Variants in NEMP2 observed in about 807,000 individuals in gnomAD.
NEMP2 encodes the protein UPF0571 transmembrane protein.
In NEMP2, 53 loss-of-function variants were observed where a neutral mutation model predicts 54.2. That is an observed-to-expected ratio of 0.98 (90% CI 0.78 to 1.23). NEMP2 has a LOEUF of 1.23. Ranked by LOEUF, NEMP2 falls within the 50% of genes most tolerant of loss-of-function variation. The pLI is 0.00. For synonymous variants in NEMP2, 197 were observed against 190.3 expected (o/e 1.04, Z -0.29); for missense variants, 455 against 511.3 (o/e 0.89, Z 1.06).
chr2:190,447,186 A>G, the NEMP2 span, among the ~76,000 whole-genome samples: 3 of 152,236 alleles, frequency 2.0e-5, no homozygotes, highest in Non-Finnish European at 4.4e-5. This position sits in a 1 kb window ranked among gnomAD's most constrained non-coding sequence, Gnocchi z 4.5. Context: ...CACAATGAGT[A>G]TTAGAGAATG....
chr2:190,520,030 T>C lies in NEMP2; in HGVS notation c.214-847A>G, dbSNP rs753903796. 2.0e-5 allele frequency among the ~76,000 whole-genome samples: 3 copies of C among 152,158 alleles called. No individual in the cohort carries two copies. Among genetic ancestry groups the C allele is most frequent in the Non-Finnish European group, 4.4e-5 (3 of 68,028 alleles). ...TTGCACCCTTAATAGACTAACAGTA[T>C]AGTAGAAACATAACTTTTATAGGTA... On this transcript the variant is annotated intron_variant, in intron 2 of 8. Transcript: ENST00000409150. The surrounding 1 kb of genome is among the most constrained non-coding windows in gnomAD (Gnocchi z 5.4).
chr2:190,625,533 C>T, the NEMP2 span: 5 of 151,988 alleles, frequency 3.3e-5, no homozygotes, highest in African/African-American at 9.7e-5. Context: ...GAATTGCACA[C>T]GTTGAAAGGA....
chr2:190,428,027 C>G, the NEMP2 span, among the ~76,000 whole-genome samples: 712 of 152,284 alleles, frequency 4.7e-3, 8 homozygotes, highest in African/African-American at 0.017. Context: ...CCACTGTGCC[C>G]TGCCATGTCT....
chr2:190,539,112 G>A (rs1691467598), upstream of NEMP2, among the ~76,000 whole-genome samples: 2 of 152,108 alleles, frequency 1.3e-5, no homozygotes, highest in South Asian at 4.1e-4. The surrounding 1 kb of genome is among the most constrained non-coding windows in gnomAD (Gnocchi z 4.1). Context: ...AATTCATCTT[G>A]AGTTGATGTT....
chr2:190,574,027 A>AGCTG, the NEMP2 span, among the ~76,000 whole-genome samples: 1 of 152,224 alleles, frequency 6.6e-6, no homozygotes, highest in Admixed American at 6.5e-5. Flanking sequence ...GAAGCTGCAG[A>AGCTG]GCTGGCTTTC....
the NEMP2 span, among the ~76,000 whole-genome samples, chr2:190,456,016 C>T: frequency 2.1e-5 from 3 of 141,078 alleles, no homozygotes; most frequent in East Asian, 6.8e-4. This position sits in a 1 kb window ranked among gnomAD's most constrained non-coding sequence, Gnocchi z 5.4. Context: ...TCTCGGCTCA[C>T]TGCAACCTCT....
Position 190,519,853 on chromosome 2 carries a change from C to T in NEMP2, c.214-670G>A, listed in dbSNP as rs1392912340. The stretch of plus-strand genomic sequence containing the variant: ...TTGCAGATAGTGCATTTCTTACAAA[C>T]GGAAGGTTTGTGCAACTCTGTGTCA... On this transcript the variant is annotated intron_variant, in intron 2 of 8. Coordinates refer to ENST00000409150, the MANE Select transcript of NEMP2 (RefSeq NM_001142645.2). The surrounding 1 kb of genome is among the most constrained non-coding windows in gnomAD (Gnocchi z 5.4). 3.3e-5 allele frequency among the ~76,000 whole-genome samples: 5 copies of T among 152,176 alleles called. No individual in the cohort carries two copies. Among genetic ancestry groups the T allele is most frequent in the African/African-American group, 7.2e-5 (3 of 41,444 alleles).
chr2:190,640,787 A>ATTTTTTT, the NEMP2 span, among the ~76,000 whole-genome samples: 10 of 118,030 alleles, frequency 8.5e-5, no homozygotes, highest in African/African-American at 2.8e-4. Flanking sequence ...AACACATTCA[A>ATTTTTTT]TTTTTTTTTT....
At chr2:190,469,812 C>T in the NEMP2 span, 1 of 1,608,652 alleles carries the variant, frequency 6.2e-7, no homozygotes, top group South Asian at 1.1e-5. This position sits in a 1 kb window ranked among gnomAD's most constrained non-coding sequence, Gnocchi z 5.3. Flanking sequence ...ATATTTCCTA[C>T]CTGGAGAATG....
At chr2:190,502,939 A>C (rs577694473), downstream of NEMP2, among the ~76,000 whole-genome samples, 10 of 152,238 alleles carry the variant, frequency 6.6e-5, no homozygotes, top group South Asian at 1.2e-3. This position sits in a 1 kb window ranked among gnomAD's most constrained non-coding sequence, Gnocchi z 4.4. Context: ...TTCAAACTCA[A>C]ATCTTCCTAA....
At chr2:190,488,162 A>C in the NEMP2 span, among the ~76,000 whole-genome samples, 5,931 of 152,328 alleles carry the variant, frequency 0.039, 196 homozygotes, top group Non-Finnish European at 0.054. The surrounding 1 kb of genome is among the most constrained non-coding windows in gnomAD (Gnocchi z 6.4). Context: ...CGGCCTCCCA[A>C]AGTGCTGGGA....
chr2:190,429,671 AC>A, the NEMP2 span, among the ~76,000 whole-genome samples: 1 of 151,420 alleles, frequency 6.6e-6, no homozygotes, highest in East Asian at 1.9e-4. Flanking sequence ...TGTTTAATAT[AC>A]TCTGTGTCTT....
At chr2:190,436,728 T>C in the NEMP2 span, 1 of 1,614,190 alleles carries the variant, frequency 6.2e-7, no homozygotes, top group East Asian at 2.2e-5. This position sits in a 1 kb window ranked among gnomAD's most constrained non-coding sequence, Gnocchi z 5.3. Context: ...CAGGTGAAAT[T>C]ACTAACCGTA....
At chr2:190,591,407 C>T in the NEMP2 span, among the ~76,000 whole-genome samples, 1 of 152,138 alleles carries the variant, frequency 6.6e-6, no homozygotes, top group Non-Finnish European at 1.5e-5. This position sits in a 1 kb window ranked among gnomAD's most constrained non-coding sequence, Gnocchi z 5.4. Flanking sequence ...TGTGATTCCA[C>T]CTCCATGCAA....
At chr2:190,455,149 T>G in the NEMP2 span, among the ~76,000 whole-genome samples, 2 of 152,186 alleles carry the variant, frequency 1.3e-5, no homozygotes, top group East Asian at 3.9e-4. Flanking sequence ...CCCATGCTCT[T>G]TTGTATACAT....
rs1691127548 is a variant in NEMP2, at chr2:190,531,022, GATC to G, written c.97+3534_97+3536del. Among the ~76,000 whole-genome samples, 1 of 152,066 alleles carries G rather than the reference GATC, an allele frequency of 6.6e-6. No homozygotes were observed. Among genetic ancestry groups the G allele is most frequent in the Admixed American group, 6.6e-5 (1 of 15,266 alleles). On this transcript the variant is annotated intron_variant, in intron 1 of 8. Transcript: ENST00000409150. This position sits in a 1 kb window ranked among gnomAD's most constrained non-coding sequence, Gnocchi z 4.7. ...TTACCAAAAATAAAAAATTGGCCAG[GATC>G]ATAATTCAGTCTCAAAAATAAATAA...
At chr2:190,511,553 A>ATT (rs72470733) in intron 7 of NEMP2, among the ~76,000 whole-genome samples, 32 of 133,688 alleles carry the variant, frequency 2.4e-4, no homozygotes, top group African/African-American at 2.9e-4. Context: ...ATTAAATTTA[A>ATT]TTTTTTTTTT....
At chr2:190,480,677 G>C in the NEMP2 span, among the ~76,000 whole-genome samples, 1 of 152,192 alleles carries the variant, frequency 6.6e-6, no homozygotes, top group South Asian at 2.1e-4. Context: ...ATCTGGGTTT[G>C]AATTCTAACT....
At chr2:190,429,846 C>CT in the NEMP2 span, among the ~76,000 whole-genome samples, 3 of 151,138 alleles carry the variant, frequency 2.0e-5, no homozygotes, top group African/African-American at 2.4e-5. Context: ...TGCTCTTGTT[C>CT]TTTTTTTTTC....
Sources: gnomAD v4.1 joint callset for allele counts (sites outside exome capture counted in the v4.1 genomes callset) on GRCh38, gnomAD v4.1.1 for gene constraint, Gnocchi (gnomAD v3.1) non-coding constraint, MANE v1.5 for transcripts, NCBI Gene and HGNC (gene_info 2026-07-23, HGNC 2026-07-21) for gene names.